The following MASP2 variants were observed in gnomAD, a reference collection of about 807,000 sequenced individuals.
The protein encoded by MASP2 is MBL associated serine protease 2, also known as mannan-binding lectin serine protease 2.
MASP2 carries 49 observed loss-of-function variants against 57.1 expected under a neutral mutation model. The ratio of observed to expected loss-of-function variants is 0.86; its 90% CI spans 0.68 to 1.09. The LOEUF (loss-of-function observed/expected upper bound fraction) is 1.09, where lower values mean the gene tolerates loss of function less well. Ranked by LOEUF, MASP2 falls within the 50% of genes least tolerant of loss-of-function variation. MASP2 has a pLI of 0.00. For synonymous variants in MASP2, 379 were observed against 340.8 expected (o/e 1.11, Z -1.24); for missense variants, 900 against 874.8 (o/e 1.03, Z -0.36).
At chr1:11,028,713 T>G (rs80022728) in intron 10 of MASP2, among the ~76,000 whole-genome samples, 13,975 of 136,602 alleles carry the variant, frequency 0.1, 1,290 homozygotes, top group African/African-American at 0.23. Context: ...TTTCTTTTTT[T>G]TTTTTTTTTT....
At chr1:11,046,452 G>A in intron 3 of MASP2, 104 bp downstream of exon 3, 1 of 1,340,268 alleles carries the variant, frequency 7.5e-7, no homozygotes, top group Non-Finnish European at 1.1e-6. Flanking sequence ...CCCCTGCCCT[G>A]GGAAAGGTGG....
At chr1:11,033,965 A>ACTCTCTCTCT (rs796583650) in intron 8 of MASP2, among the ~76,000 whole-genome samples, 1 of 15,434 alleles carries the variant, frequency 6.5e-5, no homozygotes, top group South Asian at 2.3e-3. Context: ...ACACACACAC[A>ACTCTCTCTCT]CTCTCTCTCT....
In MASP2 at chr1:11,030,859, C is replaced by G; in HGVS notation, c.1111G>C (p.Asp371His). The change falls in exon 9 of 11, where the codon GAT becomes CAT. Residue 371 changes from aspartate to histidine, a missense_variant. Physicochemically the swap from Asp to His is moderately conservative, Grantham distance 81 (BLOSUM62 -1). Coordinates refer to ENST00000400897, the MANE Select transcript of MASP2 (RefSeq NM_006610.4). ...TACTCCACTCGGCCACTGGGTAGAT[C>G]ATCAGGAGGGCCACAGTCAACAACT... ...CSIVDCGPPD[D>H]LPSGRVEYIT... 6.2e-7 allele frequency: 1 copy of G among 1,613,274 alleles called. No homozygotes were observed. The highest frequency in any genetic ancestry group is 8.5e-7 in the Non-Finnish European group (1 of 1,179,770).
chr1:11,046,391 C>T (rs1638638287), intron 3 of MASP2, 165 bp downstream of exon 3: 1 of 731,604 alleles, frequency 1.4e-6, no homozygotes, highest in African/African-American at 1.7e-5. Flanking sequence ...GAATGGAGGT[C>T]ACGGCTGTTT....
rs1023021942 is a variant in MASP2, at chr1:11,026,759, G to C, written c.*126C>G. On this transcript the variant is annotated 3_prime_UTR_variant, in exon 11 of 11. Coordinates refer to ENST00000400897, the MANE Select transcript of MASP2 (RefSeq NM_006610.4). ...ATGACAGCAGCCTCACCTGGAGTCT[G>C]TTTTTTTGGGTGGAGCAACAACTGC... The C allele has an allele frequency of 1.3e-6, 1 of 755,468 alleles. No homozygotes were observed. The highest frequency in any genetic ancestry group is 1.8e-5 in the African/African-American group (1 of 54,288). 46.8% of individuals were successfully genotyped at this position (755,468 alleles called of 1,614,324 possible).
intron 8 of MASP2, among the ~76,000 whole-genome samples, chr1:11,031,911 A>C (rs1156389754): frequency 6.6e-6 from 1 of 152,120 alleles, no homozygotes; most frequent in Admixed American, 6.5e-5. Context: ...TTTGTCTCCA[A>C]AACAAAAAAT....
chr1:11,034,419 CG>C (rs1643873812), intron 8 of MASP2, among the ~76,000 whole-genome samples: 1 of 150,412 alleles, frequency 6.6e-6, no homozygotes, highest in Non-Finnish European at 1.5e-5. Flanking sequence ...ACCAAGGATC[CG>C]GGCACAGTGG....
chr1:11,046,786 C>A, intron 2 of MASP2, 53 bp from the exon 3 acceptor site: 1 of 1,578,780 alleles, frequency 6.3e-7, no homozygotes. Flanking sequence ...CCTGATCTCC[C>A]TCCTGGCCAA....
At chr1:11,033,189 G>A (rs969608136) in intron 8 of MASP2, among the ~76,000 whole-genome samples, 21 of 151,822 alleles carry the variant, frequency 1.4e-4, no homozygotes, top group African/African-American at 3.4e-4. Context: ...TTAGCCGGGC[G>A]TGGTAGCACA....
rs1452759865 is a variant in MASP2 at position 11,027,081 on chromosome 1, T to C, written c.1865A>G (p.Glu622Gly). Residue 622 changes from glutamate to glycine, a missense_variant, in exon 11 of 11, where the codon GAA becomes GGA. Glu to Gly is a moderately conservative substitution (Grantham distance 98). Transcript: ENST00000400897. ...TCTGCAGCTGTCCTTGCCCCCACTT[T>C]CTAAGCCAGCACAAAGCATGTTAGC... ...VTANMLCAGLESGGKDSCRGD... is the reference protein window; with the variant it reads ...VTANMLCAGLGSGGKDSCRGD... 2 of 1,597,802 alleles carry C rather than the reference T, an allele frequency of 1.3e-6. No individual in the cohort carries two copies. The highest frequency in any genetic ancestry group is 1.7e-5 in the Admixed American group (1 of 58,338).
At chr1:11,046,237 T>G (rs535566185) in intron 3 of MASP2, 2 of 420,588 alleles carry the variant, frequency 4.8e-6, no homozygotes, top group Non-Finnish European at 9.0e-6. Context: ...GGCCTTGAAC[T>G]CCTGACCTCA....
chr1:11,031,148 G>A (rs17409276), intron 8 of MASP2, among the ~76,000 whole-genome samples: 24,538 of 151,966 alleles, frequency 0.16, 2,068 homozygotes, highest in South Asian at 0.2. Context: ...TCGTCCATGT[G>A]GAGGAAGAGG....
chr1:11,038,183 AC>A (rs1432247613), intron 6 of MASP2, among the ~76,000 whole-genome samples: 1 of 152,110 alleles, frequency 6.6e-6, no homozygotes, highest in Non-Finnish European at 1.5e-5. Flanking sequence ...CTTGCATGGG[AC>A]TGGAGCTGTG....
chr1:11,042,892 A>C lies in MASP2; in HGVS notation c.872T>G (p.Ile291Ser), dbSNP rs771884475. ...TTGCTCACCTGTGCTCGTGTAGTGG[A>C]TCTTCCAGCCTGTGTGGTCTCCTGA... ...DESGDHTGWKIHYTSTAQPCP... is the reference protein window; with the variant it reads ...DESGDHTGWKSHYTSTAQPCP... The change falls in exon 6 of 11, where the codon ATC becomes AGC. Residue 291 changes from isoleucine (I) to serine (S), a missense_variant. Physicochemically the swap from Ile to Ser is moderately radical, Grantham distance 142. Transcript: ENST00000400897. 5.6e-6 allele frequency: 9 copies of C among 1,613,774 alleles called. No homozygotes were observed. Among genetic ancestry groups the C allele is most frequent in the Non-Finnish European group, 6.8e-6 (8 of 1,179,906 alleles).
At chr1:11,039,279 A>G (rs2100891619) in intron 6 of MASP2, among the ~76,000 whole-genome samples, 1 of 152,268 alleles carries the variant, frequency 6.6e-6, no homozygotes, top group East Asian at 1.9e-4. Context: ...TCCACGTTAC[A>G]TATCCCTAGT....
At chr1:11,045,037 G>T in intron 4 of MASP2, 1 of 1,357,540 alleles carries the variant, frequency 7.4e-7, no homozygotes. Flanking sequence ...CCAGCAGGTG[G>T]GGCTGCCCAC....
intron 8 of MASP2, among the ~76,000 whole-genome samples, chr1:11,033,961 A>T (rs1643871081): frequency 5.6e-5 from 1 of 17,998 alleles, no homozygotes; most frequent in South Asian, 3.2e-3. Context: ...ACACACACAC[A>T]CACACTCTCT....
At chr1:11,034,509 G>A (rs1557669708) in intron 8 of MASP2, among the ~76,000 whole-genome samples, 1 of 151,522 alleles carries the variant, frequency 6.6e-6, no homozygotes, top group Non-Finnish European at 1.5e-5. Flanking sequence ...ACCAGCCTGG[G>A]CAACATGGCA....
chr1:11,043,459 T>G lies in MASP2; in HGVS notation c.621A>C (p.Lys207Asn). The G allele has an allele frequency of 6.2e-7, 1 of 1,610,556 alleles. No homozygotes were observed. The highest frequency in any genetic ancestry group is 8.5e-7 in the Non-Finnish European group (1 of 1,178,946). The change falls in exon 5 of 11, where the codon AAA becomes AAC. Residue 207 changes from lysine to asparagine, a missense_variant. Physicochemically the swap from Lys to Asn is moderately conservative, Grantham distance 94. Coordinates refer to ENST00000400897, the MANE Select transcript of MASP2 (RefSeq NM_006610.4). ...SSPEYPRPYP[K>N]LSSCTYSISL... ...TGATGCTGTAAGTGCAACTGGAGAG[T>G]TTGGGATACGGCCGTGGGTATTCAG...
Sources: allele counts gnomAD v4.1 joint callset (sites outside exome capture counted in the v4.1 genomes callset), GRCh38; gene constraint gnomAD v4.1.1; transcripts MANE v1.5; gene names NCBI Gene and HGNC (gene_info 2026-07-23, HGNC 2026-07-21).